The following FNIP1 variants were observed in gnomAD, a reference collection of about 807,000 sequenced individuals.
FNIP1 encodes folliculin-interacting protein 1.
FNIP1 carries 40 observed loss-of-function variants against 124.5 expected under a neutral mutation model. That is an observed-to-expected ratio of 0.32 (90% CI 0.25 to 0.42). The LOEUF (loss-of-function observed/expected upper bound fraction) is 0.42. Among genes scored for constraint, FNIP1 ranks in the 10% least tolerant of loss-of-function variants. The probability of loss-of-function intolerance (pLI) is 1.00; values close to 1 mark genes in which losing one functional copy is unlikely to be tolerated. For missense variants in FNIP1, 1,176 were observed against 1,403.7 expected, an observed-to-expected ratio of 0.84 and a Z score of 2.59; for synonymous variants, 472 against 470.6, an observed-to-expected ratio of 1.00 and a Z score of -0.04.
Position 131,783,460 on chromosome 5 carries a change from A to C in FNIP1, c.92+13370T>G, listed in dbSNP as rs563862085. On this transcript the variant is annotated intron_variant, in intron 1 of 17. Transcript: ENST00000510461. ...GGAAAAAACAAAACAGACCAAAAAA[A>C]AAAAACAAGAAATTTGAAAGATCAA... is the stretch of plus-strand genomic sequence containing the variant. 2.0e-5 allele frequency among the ~76,000 whole-genome samples: 3 copies of C among 152,140 alleles called. No individual in the cohort carries two copies. In the East Asian group the frequency reaches 5.8e-4, roughly 29 times the overall value.
chr5:131,706,578 C>A, intron 8 of FNIP1, 32 bp from the exon 9 acceptor site: 1 of 1,487,756 alleles, frequency 6.7e-7, no homozygotes, highest in South Asian at 1.4e-5. Flanking sequence ...AAGTATAAGT[C>A]AATAATGACT....
At position 131,655,126 on chromosome 5, in the gene FNIP1, T is replaced by C. The variant is rs574608744; in HGVS notation, c.3109-3127A>G. On this transcript the variant is annotated intron_variant, in intron 15 of 17. Transcript: ENST00000510461. ...AATATATGGGTAAAGTTTTTGGAAA[T>C]TTGCAACAATTTGAAAAACTTAGAC... Among the ~76,000 whole-genome samples the C allele has an allele frequency of 5.3e-5, 8 of 152,282 alleles. No individual in the cohort carries two copies. In the South Asian group the frequency reaches 1.4e-3, roughly 28 times the overall value.
chr5:131,658,907 C>CAAAAAAAAA lies in FNIP1; in HGVS notation c.3109-6917_3109-6909dup, dbSNP rs70974003. 2.2e-3 allele frequency among the ~76,000 whole-genome samples: 89 copies of CAAAAAAAAA among 41,144 alleles called. 5 individuals are homozygous for CAAAAAAAAA. The highest frequency in any genetic ancestry group is 4.8e-3 in the African/African-American group (47 of 9,766). 27.0% of individuals were successfully genotyped at this position (41,144 alleles called of 152,430 possible). On this transcript the variant is annotated intron_variant, in intron 15 of 17. Coordinates refer to ENST00000510461, the MANE Select transcript of FNIP1 (RefSeq NM_133372.3). ...CCAGTTTTTAAATCCTGGGTCTAGCCAAAAAAAAAAAAAAAAAAAAAAAAA... is the reference window on the plus strand; with the variant it reads ...CCAGTTTTTAAATCCTGGGTCTAGCCAAAAAAAAAAAAAAAAAAAAAAAAAAAAAAAAAA...
intron 1 of FNIP1, chr5:131,796,515 G>T: frequency 7.6e-6 from 3 of 393,300 alleles, no homozygotes. Context: ...CCAGGAAGGC[G>T]TGTGGACCCA....
intron 1 of FNIP1, among the ~76,000 whole-genome samples, chr5:131,754,659 C>T (rs1770985761): frequency 6.6e-6 from 1 of 152,212 alleles, no homozygotes; most frequent in African/African-American, 2.4e-5. Flanking sequence ...AATGAAGCAA[C>T]AGGCACAGCT....
At chr5:131,665,078 A>G (rs1767557975) in intron 15 of FNIP1, among the ~76,000 whole-genome samples, 1 of 152,082 alleles carries the variant, frequency 6.6e-6, no homozygotes, top group Non-Finnish European at 1.5e-5. Context: ...ATACAGAATA[A>G]TAATCATAAC....
chr5:131,723,978 T>C (rs1561674699), intron 3 of FNIP1, among the ~76,000 whole-genome samples: 1 of 151,984 alleles, frequency 6.6e-6, no homozygotes, highest in African/African-American at 2.4e-5. Context: ...TCTGTTCTTG[T>C]GTTATTTTGC....
chr5:131,724,024 G>A (rs13189723), intron 3 of FNIP1, among the ~76,000 whole-genome samples: 2 of 152,090 alleles, frequency 1.3e-5, no homozygotes, highest in African/African-American at 4.8e-5. Flanking sequence ...CCATGTCCCT[G>A]CAAAGGACAC....
intron 1 of FNIP1, among the ~76,000 whole-genome samples, chr5:131,775,264 C>A (rs1479327439): frequency 2.0e-5 from 3 of 151,900 alleles, no homozygotes; most frequent in African/African-American, 4.8e-5. Flanking sequence ...GCTTTTTTTG[C>A]CCCCTGGCAA....
At chr5:131,700,127 G>A (rs1316118625) in intron 10 of FNIP1, among the ~76,000 whole-genome samples, 4 of 151,648 alleles carry the variant, frequency 2.6e-5, no homozygotes, top group Non-Finnish European at 4.4e-5. Flanking sequence ...GGGACTACAG[G>A]CACACACCAC....
intron 9 of FNIP1, among the ~76,000 whole-genome samples, chr5:131,705,466 A>G (rs995177818): frequency 6.6e-6 from 1 of 152,080 alleles, no homozygotes; most frequent in African/African-American, 2.4e-5. Context: ...TCAAAAGGGA[A>G]AGAAAAGAAA....
intron 11 of FNIP1, among the ~76,000 whole-genome samples, chr5:131,687,317 G>A (rs778077376): frequency 7.2e-5 from 11 of 152,008 alleles, no homozygotes; most frequent in Non-Finnish European, 1.6e-4. Context: ...TGTTGCCCAG[G>A]CTGGTCTTGA....
chr5:131,775,503 A>AAT (rs1289934506), intron 1 of FNIP1, among the ~76,000 whole-genome samples: 3 of 148,184 alleles, frequency 2.0e-5, no homozygotes, highest in Non-Finnish European at 4.5e-5. Flanking sequence ...TATAAATATA[A>AAT]ATATATATAT....
intron 1 of FNIP1, among the ~76,000 whole-genome samples, chr5:131,779,992 C>T (rs923967741): frequency 6.6e-6 from 1 of 150,958 alleles, no homozygotes; most frequent in African/African-American, 2.4e-5. Context: ...TTGAGCCCAG[C>T]AGTTTTGAGA....
intron 1 of FNIP1, among the ~76,000 whole-genome samples, chr5:131,794,625 C>T (rs935942178): frequency 2.8e-4 from 43 of 152,052 alleles, no homozygotes; most frequent in African/African-American, 1.0e-3. Context: ...AATGGAATAC[C>T]ATTCAGTGAT....
At chr5:131,680,963 G>A (rs1301496287) in intron 11 of FNIP1, among the ~76,000 whole-genome samples, 3 of 152,230 alleles carry the variant, frequency 2.0e-5, no homozygotes, top group Admixed American at 6.5e-5. Context: ...AAAGCAAGAT[G>A]AGGCTCAAGA....
At chr5:131,738,737 C>T (rs1017084615) in intron 2 of FNIP1, among the ~76,000 whole-genome samples, 6 of 151,954 alleles carry the variant, frequency 3.9e-5, no homozygotes, top group African/African-American at 1.2e-4. Flanking sequence ...AACTCCCGAC[C>T]TCATGTGATC....
chr5:131,735,816 T>A (rs1315246079), intron 2 of FNIP1, among the ~76,000 whole-genome samples: 2 of 151,522 alleles, frequency 1.3e-5, no homozygotes, highest in Non-Finnish European at 2.9e-5. Flanking sequence ...AATGTGTGTG[T>A]GTGTGTGTGT....
intron 6 of FNIP1, among the ~76,000 whole-genome samples, chr5:131,712,513 A>G (rs1253686912): frequency 3.3e-5 from 5 of 152,210 alleles, no homozygotes; most frequent in Admixed American, 6.5e-5. Context: ...AAATATCACA[A>G]AAGACTGAAT....
Sources: allele counts gnomAD v4.1 joint callset (sites outside exome capture counted in the v4.1 genomes callset), GRCh38; gene constraint gnomAD v4.1.1; transcripts MANE v1.5; gene names NCBI Gene and HGNC (gene_info 2026-07-23, HGNC 2026-07-21).